Variants in FAM167A observed in about 807,000 individuals in gnomAD.
FAM167A encodes the protein protein FAM167A.
A neutral mutation model predicts 14.9 loss-of-function variants in FAM167A; 23 were observed. That is an observed-to-expected ratio of 1.55 (90% CI 1.11 to 2.19). FAM167A has a LOEUF of 2.19. Ranked by LOEUF, FAM167A falls within the 30% of genes most tolerant of loss-of-function variation. FAM167A has a pLI of 0.00. For missense variants in FAM167A, 401 were observed against 281.5 expected, an observed-to-expected ratio of 1.42 and a Z score of -3.04; for synonymous variants, 174 against 117.7, an observed-to-expected ratio of 1.48 and a Z score of -3.10.
Position 11,440,427 on chromosome 8 carries a change from AC to A in FAM167A, c.381+3603del, listed in dbSNP as rs578092595. Reference sequence around the variant, plus strand: ...CCTTGAAAGCTGAGAGGGAGAGCTGACCCCTGAGAGCTGTTAGGATCCTCCC... The same window carrying A: ...CCTTGAAAGCTGAGAGGGAGAGCTGACCCTGAGAGCTGTTAGGATCCTCCC... On this transcript the variant is annotated intron_variant, in intron 2 of 2. Transcript: ENST00000284486. Among the ~76,000 whole-genome samples the A allele has an allele frequency of 2.8e-3, 420 of 152,264 alleles. 6 individuals are homozygous for A. Among genetic ancestry groups the A allele is most frequent in the African/African-American group, 9.4e-3 (390 of 41,536 alleles).
intron 2 of FAM167A, among the ~76,000 whole-genome samples, chr8:11,439,056 T>C (rs1236158733): frequency 6.6e-6 from 1 of 152,238 alleles, no homozygotes; most frequent in Non-Finnish European, 1.5e-5. Context: ...ACATCTGATG[T>C]GCCCAGAACA....
chr8:11,435,203 C>T (rs1369641773), intron 2 of FAM167A: 1 of 444,180 alleles, frequency 2.3e-6, no homozygotes, highest in African/African-American at 2.0e-5. Flanking sequence ...CTGTCCCCTC[C>T]CCTGTGGTCC....
chr8:11,427,113 G>A (rs1306261328), intron 2 of FAM167A, among the ~76,000 whole-genome samples: 1 of 152,178 alleles, frequency 6.6e-6, no homozygotes, highest in African/African-American at 2.4e-5. Context: ...AAAATGGGAG[G>A]CAGCTTTGCC....
chr8:11,455,321 G>A (rs1337088687), intron 1 of FAM167A, among the ~76,000 whole-genome samples: 10 of 150,016 alleles, frequency 6.7e-5, no homozygotes, highest in African/African-American at 2.5e-4. Context: ...GTGTGTGAGT[G>A]TGGGGGGTGG....
chr8:11,455,680 G>C (rs151035713), intron 1 of FAM167A, among the ~76,000 whole-genome samples: 1 of 132,916 alleles, frequency 7.5e-6, no homozygotes, highest in Non-Finnish European at 1.6e-5. Context: ...GTGAATGTGA[G>C]TGTGGGTGTG....
At chr8:11,434,789 A>G (rs1805882999) in intron 2 of FAM167A, 18 of 340,762 alleles carry the variant, frequency 5.3e-5, no homozygotes, top group South Asian at 4.2e-4. Flanking sequence ...TGTGCCCTAC[A>G]CAGAGAGAGG....
intron 2 of FAM167A, among the ~76,000 whole-genome samples, chr8:11,437,365 A>C (rs1806097734): frequency 6.6e-6 from 1 of 152,176 alleles, no homozygotes; most frequent in Non-Finnish European, 1.5e-5. Flanking sequence ...CAACCATCCC[A>C]GGGGCCCAGC....
Position 11,444,439 on chromosome 8 carries a change from T to C in FAM167A, c.-28A>G, listed in dbSNP as rs1251636377. ...TACAGTCTGCCCTGGCAGCCGGACA[T>C]GCGAGGGCACGGGGGGCGCAGGGGG... is the stretch of plus-strand genomic sequence containing the variant. On this transcript the variant is annotated 5_prime_UTR_variant, in exon 2 of 3. It removes an upstream start codon present in the reference 5' UTR. Transcript: ENST00000284486. 1.3e-6 allele frequency: 2 copies of C among 1,511,628 alleles called. No individual in the cohort carries two copies. Among genetic ancestry groups the C allele is most frequent in the Non-Finnish European group, 1.8e-6 (2 of 1,130,348 alleles). 93.6% of individuals were successfully genotyped at this position (1,511,628 alleles called of 1,614,324 possible). A position where few individuals can be genotyped will look rare whatever the true frequency, so the allele number is the denominator to read the frequency against.
intron 1 of FAM167A, among the ~76,000 whole-genome samples, chr8:11,463,592 G>A (rs771425670): frequency 3.3e-5 from 5 of 152,200 alleles, no homozygotes; most frequent in African/African-American, 9.7e-5. Context: ...ACCTGCCACT[G>A]GACCTGGAAA....
chr8:11,444,270 C>G lies in FAM167A; in HGVS notation c.142G>C (p.Glu48Gln). The G allele has an allele frequency of 6.2e-7, 1 of 1,611,338 alleles. No homozygotes were observed. The highest frequency in any genetic ancestry group is 8.5e-7 in the Non-Finnish European group (1 of 1,179,446). Reference sequence around the variant, plus strand: ...TGCTCCTCCAGCCTGGCCTGCCATTCCAGGTAGGAGGGCCTGCGGGTCTCC... The same window carrying G: ...TGCTCCTCCAGCCTGGCCTGCCATTGCAGGTAGGAGGGCCTGCGGGTCTCC... Reference protein sequence around the residue: ...RLETRRPSYLEWQARLEEHTW... With the variant: ...RLETRRPSYLQWQARLEEHTW... The change falls in exon 2 of 3, where the codon GAA (glutamate) becomes CAA (glutamine). Residue 48 changes from glutamate (E) to glutamine (Q), a missense_variant. Coordinates refer to ENST00000284486, the MANE Select transcript of FAM167A (RefSeq NM_053279.3).
intron 1 of FAM167A, among the ~76,000 whole-genome samples, chr8:11,464,343 G>A (rs116301870): frequency 7.9e-5 from 12 of 152,244 alleles, no homozygotes; most frequent in East Asian, 1.9e-4. Context: ...CTGGCAACAC[G>A]GCCCTCGGTG....
chr8:11,424,273 C>A lies in FAM167A; in HGVS notation c.*100G>T. The A allele has an allele frequency of 3.3e-6, 5 of 1,518,486 alleles. No homozygotes were observed. The highest frequency in any genetic ancestry group is 4.5e-6 in the Non-Finnish European group (5 of 1,119,688). The allele number at this position is 1,518,486 out of a possible 1,614,324, so 94.1% of individuals were successfully genotyped here. ...GAGTCGCCAGTCCCAGGGACCCCTG[C>A]CTCCGGGAGACCCACTGGAGTAACT... On this transcript the variant is annotated 3_prime_UTR_variant, in exon 3 of 3. Transcript: ENST00000284486.
At chr8:11,441,545 C>T (rs553488648) in intron 2 of FAM167A, among the ~76,000 whole-genome samples, 67 of 152,164 alleles carry the variant, frequency 4.4e-4, no homozygotes, top group Non-Finnish European at 7.6e-4. Flanking sequence ...TCTCCTTGGT[C>T]GCTGCTCTTT....
chr8:11,422,988 G>A lies in FAM167A; in HGVS notation c.*1385C>T, dbSNP rs1367653646. The A allele has an allele frequency of 1.3e-5, 2 of 152,562 alleles. No homozygotes were observed. Among genetic ancestry groups the A allele is most frequent in the African/African-American group, 4.8e-5 (2 of 41,420 alleles). 9.5% of individuals were successfully genotyped at this position (152,562 alleles called of 1,614,324 possible). ...TGGCAAAGCATCACGACCATCTTTG[G>A]GGTTCAAGTTCATTGACATGTGATC... On this transcript the variant is annotated 3_prime_UTR_variant, in exon 3 of 3. Coordinates refer to ENST00000284486, the MANE Select transcript of FAM167A (RefSeq NM_053279.3).
chr8:11,475,314 G>A (rs1280863959), intron 1 of FAM167A, among the ~76,000 whole-genome samples: 2 of 152,172 alleles, frequency 1.3e-5, no homozygotes, highest in Non-Finnish European at 2.9e-5. Flanking sequence ...AGAGTTGAAG[G>A]ACTTGGATTT....
chr8:11,463,097 G>T (rs764216961), intron 1 of FAM167A, among the ~76,000 whole-genome samples: 2 of 152,156 alleles, frequency 1.3e-5, no homozygotes, highest in Non-Finnish European at 2.9e-5. Flanking sequence ...GTAAATATTT[G>T]TCCAAAAATG....
At chr8:11,470,916 GAGGCTGATTC>G (rs1195359059), upstream of FAM167A, among the ~76,000 whole-genome samples, 1 of 152,176 alleles carries the variant, frequency 6.6e-6, no homozygotes, top group Non-Finnish European at 1.5e-5. Context: ...TCTCTCAGAA[GAGGCTGATTC>G]AGGCTGAAGT....
chr8:11,424,305 C>T lies in FAM167A; in HGVS notation c.*68G>A, dbSNP rs1300625408. The T allele has an allele frequency of 1.9e-6, 3 of 1,592,680 alleles. No homozygotes were observed. In the African/African-American group the frequency reaches 4.0e-5, roughly 21 times the overall value. ...GAGACCCACTGGAGTAACTTGGCCT[C>T]AGCTTCCTCTGACACCCCTCCAGCC... On this transcript the variant is annotated 3_prime_UTR_variant, in exon 3 of 3. Transcript: ENST00000284486.
chr8:11,467,039 T>C (rs539985444), upstream of FAM167A, among the ~76,000 whole-genome samples: 2 of 152,314 alleles, frequency 1.3e-5, no homozygotes, highest in Non-Finnish European at 2.9e-5. Flanking sequence ...TTTCCCCCAA[T>C]TGTGGCAACG....
Sources: gnomAD v4.1 joint callset for allele counts (sites outside exome capture counted in the v4.1 genomes callset) on GRCh38, gnomAD v4.1.1 for gene constraint, MANE v1.5 for transcripts, NCBI Gene and HGNC (gene_info 2026-07-23, HGNC 2026-07-21) for gene names.